The following MCM5 variants were observed in gnomAD, a reference collection of about 807,000 sequenced individuals.
MCM5 encodes DNA replication licensing factor MCM5.
Under a neutral mutation model 79.9 loss-of-function variants are expected in MCM5, and 46 were observed. The observed-to-expected ratio is 0.58, with a 90% confidence interval of 0.45 to 0.74. MCM5 has a LOEUF of 0.74. Among genes scored for constraint, MCM5 ranks in the 30% least tolerant of loss-of-function variants. The probability of loss-of-function intolerance (pLI) is 0.00; values close to 1 mark genes in which losing one functional copy is unlikely to be tolerated. For synonymous variants in MCM5, 404 were observed against 390.5 expected, an observed-to-expected ratio of 1.03 and a Z score of -0.41; for missense variants, 883 against 1,017.0, an observed-to-expected ratio of 0.87 and a Z score of 1.79.
At position 35,415,890 on chromosome 22, in the gene MCM5, C is replaced by T. The variant is rs780324239; in HGVS notation, c.1265C>T (p.Pro422Leu). ...CTGACAGCCTCGGTGATGAGGGACCCTTCGTCCCGGAATTTCATCATGGAG... is the reference window on the plus strand; with the variant it reads ...CTGACAGCCTCGGTGATGAGGGACCTTTCGTCCCGGAATTTCATCATGGAG... ...AGLTASVMRD[P>L]SSRNFIMEGG... The change falls in exon 10 of 17, where the codon CCT (proline) becomes CTT (leucine). Residue 422 changes from proline to leucine, a missense_variant. Pro to Leu is a moderately conservative substitution (Grantham distance 98, BLOSUM62 -3). Transcript: ENST00000216122. 1 of 1,614,148 alleles carries T rather than the reference C, an allele frequency of 6.2e-7. No individual in the cohort carries two copies.
At chr22:35,421,278 G>T in intron 14 of MCM5, 40 bp from the exon 15 acceptor site, 1 of 1,593,088 alleles carries the variant, frequency 6.3e-7, no homozygotes, top group Non-Finnish European at 8.5e-7. Flanking sequence ...GAAGGGAATA[G>T]CGGACCGAGG....
intron 6 of MCM5, chr22:35,409,375 A>T (rs1381205687): frequency 6.6e-6 from 1 of 152,246 alleles, no homozygotes; most frequent in Non-Finnish European, 1.5e-5. Context: ...GGAGTTCAAG[A>T]CCAGCCTGGG....
intron 2 of MCM5, chr22:35,401,906 CTAGG>C: frequency 2.8e-6 from 1 of 359,562 alleles, no homozygotes; most frequent in South Asian, 2.1e-5. Flanking sequence ...AGCTTTCTGT[CTAGG>C]TAGGAGCAAT....
chr22:35,416,476 A>G (rs2145796156), intron 11 of MCM5, 72 bp downstream of exon 11: 1 of 1,513,382 alleles, frequency 6.6e-7, no homozygotes, highest in Admixed American at 1.7e-5. Context: ...GGCTGCCCTG[A>G]TTGGGACCAA....
chr22:35,406,299 T>A lies in MCM5; in HGVS notation c.424-254T>A, dbSNP rs2071736. On this transcript the variant is annotated intron_variant, in intron 4 of 16. Transcript: ENST00000216122. Reference sequence around the variant, plus strand: ...TTAGTGTATCTCTTGCCCTGCCACCTCCCCCCCCAATTGTGCTGCGAGGTC... The same window carrying A: ...TTAGTGTATCTCTTGCCCTGCCACCACCCCCCCCAATTGTGCTGCGAGGTC... Among the ~76,000 whole-genome samples, 11 of 128,634 alleles carry A rather than the reference T, an allele frequency of 8.6e-5. 1 individual carries two copies. The highest frequency in any genetic ancestry group is 1.7e-4 in the Admixed American group (2 of 11,534). 84.4% of individuals were successfully genotyped at this position (128,634 alleles called of 152,430 possible).
chr22:35,416,947 A>C, intron 12 of MCM5, 133 bp downstream of exon 12: 1 of 999,840 alleles, frequency 1.0e-6, no homozygotes, highest in Non-Finnish European at 1.5e-6. Context: ...ATTGGGGAGC[A>C]CGTGAGAGGG....
At chr22:35,435,418 C>T in the MCM5 span, among the ~76,000 whole-genome samples, 1 of 152,156 alleles carries the variant, frequency 6.6e-6, no homozygotes, top group Middle Eastern at 3.2e-3. Context: ...ACCAGAGGCT[C>T]CTCCTGGTGC....
the MCM5 span, among the ~76,000 whole-genome samples, chr22:35,438,931 CCATCCATT>C: frequency 1.3e-5 from 2 of 150,344 alleles, no homozygotes; most frequent in East Asian, 4.0e-4. Context: ...ATCCATCCAT[CCATCCATT>C]CATCCATCCA....
At chr22:35,432,059 A>G in the MCM5 span, among the ~76,000 whole-genome samples, 3 of 152,242 alleles carry the variant, frequency 2.0e-5, no homozygotes, top group African/African-American at 7.2e-5. Context: ...CATTAAATGC[A>G]TGAATGTATG....
intron 14 of MCM5, 72 bp downstream of exon 14, chr22:35,420,084 AG>A: frequency 6.6e-7 from 1 of 1,516,766 alleles, no homozygotes; most frequent in Non-Finnish European, 8.9e-7. Flanking sequence ...CTTGGCAACC[AG>A]GGGCAGTGGT....
At chr22:35,430,653 C>T in the MCM5 span, among the ~76,000 whole-genome samples, 2 of 152,088 alleles carry the variant, frequency 1.3e-5, no homozygotes, top group Non-Finnish European at 2.9e-5. Context: ...CAGGCGCGTG[C>T]CACCATGCCT....
chr22:35,401,936 G>C, intron 2 of MCM5: 1 of 344,322 alleles, frequency 2.9e-6, no homozygotes, highest in Non-Finnish European at 5.8e-6. Context: ...GTGTAGAGGT[G>C]TGGGGTGTCC....
the MCM5 span, among the ~76,000 whole-genome samples, chr22:35,435,905 G>A: frequency 1.3e-5 from 2 of 152,158 alleles, no homozygotes; most frequent in East Asian, 1.9e-4. Context: ...GGTGGCTCAC[G>A]CCTGTAATCC....
chr22:35,414,626 AATAATAAAT>A (rs1439265303), intron 9 of MCM5, among the ~76,000 whole-genome samples: 1 of 151,026 alleles, frequency 6.6e-6, no homozygotes, highest in African/African-American at 2.5e-5. Flanking sequence ...TTCAAATAAT[AATAATAAAT>A]AATAATAATA....
rs367836541 is a variant in MCM5 at position 35,421,429 on chromosome 22, G to A, written c.1944G>A (p.Thr648=). Residue 648 remains threonine, a synonymous_variant, in exon 15 of 17, where the codon ACG becomes ACA. Coordinates refer to ENST00000216122, the MANE Select transcript of MCM5 (RefSeq NM_006739.4). ...CCCTGCGGCTCTTCCAAGTGTCCAC[G>A]TTGGATGCTGCCTTGTCCGGTACCC... is the stretch of plus-strand genomic sequence containing the variant. The part of the protein sequence containing the change: ...EEALRLFQVS[T]LDAALSGTLS... 70 of 1,614,038 alleles carry A rather than the reference G, an allele frequency of 4.3e-5. No homozygotes were observed. Among genetic ancestry groups the A allele is most frequent in the East Asian group, 1.1e-4 (5 of 44,894 alleles).
chr22:35,416,056 C>T (rs1932531090), intron 10 of MCM5, 84 bp downstream of exon 10: 19 of 1,518,880 alleles, frequency 1.3e-5, no homozygotes, highest in Non-Finnish European at 1.6e-5. Flanking sequence ...CAGAAATCAC[C>T]TCTGACTTGG....
chr22:35,436,301 A>G, the MCM5 span, among the ~76,000 whole-genome samples: 1 of 151,888 alleles, frequency 6.6e-6, no homozygotes, highest in Non-Finnish European at 1.5e-5. Context: ...CACAGACCGC[A>G]TGGGCCCCAG....
At position 35,408,547 on chromosome 22, in the gene MCM5, C is replaced by G. The variant is rs934499134; in HGVS notation, c.736C>G (p.Gln246Glu). ...CCACGGGGAGATGCCCAGACACATG[C>G]AGCTCTACTGCGACAGGTGAGGCAG... ...VPHGEMPRHM[Q>E]LYCDRYLCDK... is the part of the protein sequence containing the mutation. The change falls in exon 6 of 17, where the codon CAG becomes GAG. Residue 246 changes from glutamine (Q) to glutamate (E), a missense_variant. By Grantham distance (29) the Gln-to-Glu change is conservative (BLOSUM62 2). Around this residue, in one of 3 missense-constraint regions of MCM5, gnomAD observed 455 missense variants for 517.5 expected, o/e 0.88. Coordinates refer to ENST00000216122, the MANE Select transcript of MCM5 (RefSeq NM_006739.4). 1 of 1,612,304 alleles carries G rather than the reference C, an allele frequency of 6.2e-7. No individual in the cohort carries two copies. Among genetic ancestry groups the G allele is most frequent in the African/African-American group, 1.3e-5 (1 of 74,924 alleles).
chr22:35,415,904 T>A lies in MCM5; in HGVS notation c.1279T>A (p.Phe427Ile). 1 of 1,614,070 alleles carries A rather than the reference T, an allele frequency of 6.2e-7. No homozygotes were observed. Among genetic ancestry groups the A allele is most frequent in the South Asian group, 1.1e-5 (1 of 91,070 alleles). Residue 427 changes from phenylalanine (F) to isoleucine (I), a missense_variant, in exon 10 of 17, where the codon TTC becomes ATC. Transcript: ENST00000216122. ...SVMRDPSSRN[F>I]IMEGGAMVLA... is the part of the protein sequence containing the mutation. ...GATGAGGGACCCTTCGTCCCGGAATTTCATCATGGAGGGCGGAGCCATGGT... is the reference window on the plus strand; with the variant it reads ...GATGAGGGACCCTTCGTCCCGGAATATCATCATGGAGGGCGGAGCCATGGT...
Sources: allele counts gnomAD v4.1 joint callset (sites outside exome capture counted in the v4.1 genomes callset), GRCh38; gene constraint gnomAD v4.1.1; regional missense constraint gnomAD v4.1.1; transcripts MANE v1.5; gene names NCBI Gene and HGNC (gene_info 2026-07-23, HGNC 2026-07-21).